RAB5IF: variants seen among roughly 807,000 people sequenced by gnomAD.
RAB5IF encodes RAB5 interacting factor.
RAB5IF carries 15 observed loss-of-function variants against 20.3 expected under a neutral mutation model. That is an observed-to-expected ratio of 0.74 (90% CI 0.50 to 1.14). RAB5IF has a LOEUF of 1.14. RAB5IF is among the 50% of genes most tolerant of loss of function. RAB5IF has a pLI of 0.00. For missense variants in RAB5IF, 148 were observed against 159.5 expected, an observed-to-expected ratio of 0.93 and a Z score of 0.39; for synonymous variants, 67 against 63.7, an observed-to-expected ratio of 1.05 and a Z score of -0.25.
chr20:36,605,911 C>G lies in RAB5IF; in HGVS notation c.-41C>G, dbSNP rs1028085602. Reference sequence around the variant, plus strand: ...TAGACCCCGACTCCCTTTGGCTCAGCCCGCGCGCCCCAGGCCCGGCCCGGG... The same window carrying G: ...TAGACCCCGACTCCCTTTGGCTCAGGCCGCGCGCCCCAGGCCCGGCCCGGG... On this transcript the variant is annotated 5_prime_UTR_variant, in exon 1 of 4. Transcript: ENST00000344795. 7.7e-7 allele frequency: 1 copy of G among 1,296,568 alleles called. No homozygotes were observed. The highest frequency in any genetic ancestry group is 1.0e-6 in the Non-Finnish European group (1 of 985,306). The allele number at this position is 1,296,568 out of a possible 1,614,324, so 80.3% of individuals were successfully genotyped here.
rs2038923830 is a variant in RAB5IF, at chr20:36,606,017, C to T, written c.66C>T (p.Val22=). 3 of 1,529,904 alleles carry T rather than the reference C, an allele frequency of 2.0e-6. No homozygotes were observed. The highest frequency in any genetic ancestry group is 2.6e-6 in the Non-Finnish European group (3 of 1,135,624). The allele number at this position is 1,529,904 out of a possible 1,614,324, so 94.8% of individuals were successfully genotyped here. ...AGCTGGCCAACGGGGCCCTCAAAGT[C>T]TCCGTCTGGAGTAAGGTGCTGCGGA... The part of the protein sequence containing the change: ...QPQLANGALK[V]SVWSKVLRSD... Residue 22 remains valine (V), a synonymous_variant, in exon 1 of 4, where the codon GTC becomes GTT. Coordinates refer to ENST00000344795, the MANE Select transcript of RAB5IF (RefSeq NM_018840.5).
At chr20:36,609,156 T>TACATACATACATATAGACACACAC in intron 2 of RAB5IF, among the ~76,000 whole-genome samples, 1 of 17,052 alleles carries the variant, frequency 5.9e-5, no homozygotes, top group Admixed American at 6.2e-4. Context: ...AGAACTATAT[T>TACATACATACATATAGACACACAC]ACACACACAC....
At chr20:36,610,715 AT>A (rs1463734960) in intron 3 of RAB5IF, among the ~76,000 whole-genome samples, 3 of 151,982 alleles carry the variant, frequency 2.0e-5, no homozygotes, top group African/African-American at 4.8e-5. Flanking sequence ...AAAAAAAAAA[AT>A]GAAGTCCTGA....
intron 3 of RAB5IF, among the ~76,000 whole-genome samples, chr20:36,610,907 A>G (rs552286258): frequency 6.6e-6 from 1 of 152,310 alleles, no homozygotes; most frequent in East Asian, 1.9e-4. Flanking sequence ...AGTAGCTGAT[A>G]AAGGAAACAG....
chr20:36,611,619 A>G (rs1468676345), intron 3 of RAB5IF, among the ~76,000 whole-genome samples: 1 of 152,094 alleles, frequency 6.6e-6, no homozygotes, highest in African/African-American at 2.4e-5. Flanking sequence ...AAGAGATTAC[A>G]ATGGGTAGCC....
intron 1 of RAB5IF, 77 bp from the exon 2 acceptor site, chr20:36,607,638 A>G (rs185685230): frequency 1.3e-6 from 2 of 1,550,434 alleles, no homozygotes; most frequent in African/African-American, 2.7e-5. Flanking sequence ...TTTAGCAGAA[A>G]GGTTTAATAT....
intron 3 of RAB5IF, among the ~76,000 whole-genome samples, chr20:36,610,564 G>T (rs1039800196): frequency 1.3e-5 from 2 of 151,886 alleles, no homozygotes; most frequent in African/African-American, 4.8e-5. Context: ...GCATGGTGGC[G>T]GGCGCCTGTA....
chr20:36,609,248 C>G (rs1028725462), intron 2 of RAB5IF, among the ~76,000 whole-genome samples: 3 of 135,134 alleles, frequency 2.2e-5, no homozygotes, highest in Admixed American at 7.2e-5. Flanking sequence ...CACACACACA[C>G]ACACACACTA....
At chr20:36,607,606 G>A in intron 1 of RAB5IF, 109 bp from the exon 2 acceptor site, 1 of 1,325,826 alleles carries the variant, frequency 7.5e-7, no homozygotes, top group Non-Finnish European at 1.0e-6. Flanking sequence ...GCCTTTGGGG[G>A]GAAACAAATT....
In RAB5IF at chr20:36,612,093, C is replaced by T; in HGVS notation, c.*42C>T. ...AGTGCTCCCTATCCAGTCCAAAGGA[C>T]CCTCTTGATTACAGCACAGGAACTT... On this transcript the variant is annotated 3_prime_UTR_variant, in exon 4 of 4. Coordinates refer to ENST00000344795, the MANE Select transcript of RAB5IF (RefSeq NM_018840.5). 6.2e-7 allele frequency: 1 copy of T among 1,614,182 alleles called. No individual in the cohort carries two copies. Among genetic ancestry groups the T allele is most frequent in the East Asian group, 2.2e-5 (1 of 44,890 alleles).
intron 2 of RAB5IF, chr20:36,608,085 A>C (rs190991891): frequency 2.8e-6 from 2 of 713,562 alleles, no homozygotes; most frequent in East Asian, 9.7e-5. Flanking sequence ...GCAAGAGGCT[A>C]TGACTACTTG....
rs1438668337 is a variant in RAB5IF, at chr20:36,612,088, A to G, written c.*37A>G. On this transcript the variant is annotated 3_prime_UTR_variant, in exon 4 of 4. Transcript: ENST00000344795. ...TCCCAAGTGCTCCCTATCCAGTCCA[A>G]AGGACCCTCTTGATTACAGCACAGG... is the stretch of plus-strand genomic sequence containing the variant. 2 of 1,614,168 alleles carry G rather than the reference A, an allele frequency of 1.2e-6. No homozygotes were observed. Among genetic ancestry groups the G allele is most frequent in the Admixed American group, 1.7e-5 (1 of 60,016 alleles).
chr20:36,612,229 T>C lies in RAB5IF; in HGVS notation c.*178T>C. 1 of 1,613,318 alleles carries C rather than the reference T, an allele frequency of 6.2e-7. No homozygotes were observed. The highest frequency in any genetic ancestry group is 8.5e-7 in the Non-Finnish European group (1 of 1,179,222). ...CTGCAAGGGTTGTGACCTGAAACTT[T>C]TTAAAAACCACCCACCTTTGGGGAA... On this transcript the variant is annotated 3_prime_UTR_variant, in exon 4 of 4. Transcript: ENST00000344795.
chr20:36,609,192 C>G lies in RAB5IF; in HGVS notation c.219-409C>G, dbSNP rs1299293606. 9.6e-4 allele frequency among the ~76,000 whole-genome samples: 50 copies of G among 52,248 alleles called. 5 individuals carry two copies. The highest frequency in any genetic ancestry group is 1.6e-3 in the Non-Finnish European group (43 of 27,524). 34.3% of individuals were successfully genotyped at this position (52,248 alleles called of 152,430 possible). On this transcript the variant is annotated intron_variant, in intron 2 of 3. Transcript: ENST00000344795. Reference sequence around the variant, plus strand: ...ACACACACACACACACACACACACACACGCACACACGCACACACGCACACA... The same window carrying G: ...ACACACACACACACACACACACACAGACGCACACACGCACACACGCACACA...
At position 36,609,100 on chromosome 20, in the gene RAB5IF, G is replaced by A. The variant is rs576296360; in HGVS notation, c.219-501G>A. Among the ~76,000 whole-genome samples the A allele has an allele frequency of 6.0e-4, 90 of 150,444 alleles. No individual in the cohort carries two copies. The South Asian group carries it at 6.1e-3, about 10-fold the overall frequency. ...TACCTGGAGGCCCATGTCAGGTCCCGCTTGGGATGGCTTATCAGCCATTCT... is the reference window on the plus strand; with the variant it reads ...TACCTGGAGGCCCATGTCAGGTCCCACTTGGGATGGCTTATCAGCCATTCT... On this transcript the variant is annotated intron_variant, in intron 2 of 3. Transcript: ENST00000344795.
At chr20:36,607,671 G>T (rs2038967036) in intron 1 of RAB5IF, 44 bp from the exon 2 acceptor site, 1 of 1,609,336 alleles carries the variant, frequency 6.2e-7, no homozygotes, top group East Asian at 2.2e-5. Context: ...CTGTCTTGTG[G>T]CACCCACTCC....
Position 36,605,973 on chromosome 20 carries a change from G to C in RAB5IF, c.22G>C (p.Glu8Gln). The stretch of plus-strand genomic sequence containing the variant: ...GAGGATGAGCGGCGGGCGGCGGAAG[G>C]AGGAGCCGCCTCAGCCGCAGCTGGC... MSGGRRK[E>Q]EPPQPQLANG... Residue 8 changes from glutamate to glutamine, a missense_variant, in exon 1 of 4, where the codon GAG becomes CAG. Transcript: ENST00000344795. 1.3e-6 allele frequency: 2 copies of C among 1,515,248 alleles called. No homozygotes were observed. Among genetic ancestry groups the C allele is most frequent in the South Asian group, 1.2e-5 (1 of 80,098 alleles). The allele number at this position is 1,515,248 out of a possible 1,614,324, so 93.9% of individuals were successfully genotyped here. A position where few individuals can be genotyped will look rare whatever the true frequency, so the allele number is the denominator to read the frequency against.
intron 1 of RAB5IF, among the ~76,000 whole-genome samples, chr20:36,606,391 C>T (rs1018151462): frequency 3.3e-5 from 5 of 152,180 alleles, no homozygotes; most frequent in African/African-American, 9.6e-5. Context: ...CTTTTATGTG[C>T]AGTAGGGTTT....
At position 36,612,489 on chromosome 20, in the gene RAB5IF, GCAT is replaced by G; in HGVS notation, c.*440_*442del. ...CGTGGTCCATAGCACAGTACATGCA[GCAT>G]CTAATAAGAGTTTCCATTGTAGAAT... On this transcript the variant is annotated 3_prime_UTR_variant, in exon 4 of 4. Transcript: ENST00000344795. 2.0e-6 allele frequency: 1 copy of G among 508,906 alleles called. No individual in the cohort carries two copies. The highest frequency in any genetic ancestry group is 3.5e-5 in the East Asian group (1 of 28,612). 31.5% of individuals were successfully genotyped at this position (508,906 alleles called of 1,614,324 possible).
Sources: allele counts gnomAD v4.1 joint callset (sites outside exome capture counted in the v4.1 genomes callset), GRCh38; gene constraint gnomAD v4.1.1; transcripts MANE v1.5; gene names NCBI Gene and HGNC (gene_info 2026-07-23, HGNC 2026-07-21).